Variants in GPI observed in about 807,000 individuals in gnomAD.
GPI encodes D-hexose-6-phosphate anomerase.
Under a neutral mutation model 75.8 loss-of-function variants are expected in GPI, and 56 were observed. The ratio of observed to expected loss-of-function variants is 0.74; its 90% CI spans 0.60 to 0.92. The LOEUF (loss-of-function observed/expected upper bound fraction) is 0.92. Among genes scored for constraint, GPI ranks in the 40% least tolerant of loss-of-function variants. The pLI, the probability that GPI is intolerant of heterozygous loss-of-function variation, is 0.00. For synonymous variants in GPI, 288 were observed against 285.4 expected, an observed-to-expected ratio of 1.01 and a Z score of -0.09; for missense variants, 638 against 741.0, an observed-to-expected ratio of 0.86 and a Z score of 1.61.
intron 9 of GPI, among the ~76,000 whole-genome samples, chr19:34,391,089 G>A (rs1489082987): frequency 6.6e-6 from 1 of 151,090 alleles, no homozygotes; most frequent in Non-Finnish European, 1.5e-5. Context: ...CAGTGTTTGA[G>A]GAGGTGAGTT....
At chr19:34,397,249 G>A (rs893042661) in intron 14 of GPI, 1 of 156,234 alleles carries the variant, frequency 6.4e-6, no homozygotes, top group African/African-American at 2.4e-5. Flanking sequence ...TGACCTGCTT[G>A]TCAGGTGGTT....
At chr19:34,359,822 C>T (rs1477402803), upstream of GPI, 1 of 152,388 alleles carries the variant, frequency 6.6e-6, no homozygotes, top group Non-Finnish European at 1.5e-5. Context: ...TCTGTGATGT[C>T]TAAATGCCGA....
intron 12 of GPI, among the ~76,000 whole-genome samples, chr19:34,395,519 G>A (rs1405337980): frequency 6.6e-6 from 1 of 152,154 alleles, no homozygotes; most frequent in East Asian, 1.9e-4. Flanking sequence ...TCCAGCCTGA[G>A]TGACAGAGTG....
Position 34,393,088 on chromosome 19 carries a change from A to C in GPI, c.805-160A>C. The C allele has an allele frequency of 1.4e-6, 1 of 690,888 alleles. No individual in the cohort carries two copies. The highest frequency in any genetic ancestry group is 1.5e-5 in the South Asian group (1 of 65,896). The allele number at this position is 690,888 out of a possible 1,614,324, so 42.8% of individuals were successfully genotyped here. ...TGTAGTCTGCCCTGTTGGTCTTCCC[A>C]TGTGTTGCCAGCACCTGCCTGCTGC... On this transcript the variant is annotated intron_variant, in intron 9 of 17. Transcript: ENST00000356487. This position sits in a 1 kb window ranked among gnomAD's most constrained non-coding sequence, Gnocchi z 4.4.
intron 8 of GPI, chr19:34,380,965 A>T: frequency 3.8e-6 from 1 of 263,770 alleles, no homozygotes; most frequent in Non-Finnish European, 7.5e-6. Context: ...GGGGACCAGA[A>T]TACCTGATGG....
chr19:34,399,221 C>A lies in GPI; in HGVS notation c.1284C>A (p.Asn428Lys). 6.2e-7 allele frequency: 1 copy of A among 1,613,368 alleles called. No individual in the cohort carries two copies. Among genetic ancestry groups the A allele is most frequent in the South Asian group, 1.1e-5 (1 of 91,038 alleles). ...TCGCTCATCAGATCCTCCTGGCCAA[C>A]TTCTTGGCCCAGACAGAGGCCCTGA... The part of the protein sequence containing the change: ...KGLHHKILLA[N>K]FLAQTEALMR... Residue 428 changes from asparagine to lysine, a missense_variant, in exon 15 of 18, where the codon AAC becomes AAA. Coordinates refer to ENST00000356487, the MANE Select transcript of GPI (RefSeq NM_000175.5).
At chr19:34,389,177 C>T (rs2074784926) in intron 9 of GPI, among the ~76,000 whole-genome samples, 2 of 152,132 alleles carry the variant, frequency 1.3e-5, no homozygotes, top group African/African-American at 2.4e-5. Context: ...TGTAGGACTG[C>T]GTCTGTCAGG....
chr19:34,365,238 TCTCA>T lies in GPI; in HGVS notation c.-24_-21del, dbSNP rs777217086. The T allele has an allele frequency of 1.0e-5, 15 of 1,489,242 alleles. No homozygotes were observed. In the East Asian group the frequency reaches 3.0e-4, roughly 30 times the overall value. 92.3% of individuals were successfully genotyped at this position (1,489,242 alleles called of 1,614,324 possible). The stretch of plus-strand genomic sequence containing the variant: ...GGCGCTCCTTCCTCCTCGGCTCGCG[TCTCA>T]CTCAGTGTACCTTCTAGTCCCGCCA... On this transcript the variant is annotated 5_prime_UTR_variant, in exon 1 of 18. Coordinates refer to ENST00000356487, the MANE Select transcript of GPI (RefSeq NM_000175.5).
At chr19:34,359,783 G>C (rs1568319165), upstream of GPI, 1 of 152,628 alleles carries the variant, frequency 6.6e-6, no homozygotes, top group Non-Finnish European at 1.5e-5. Context: ...GGGCCTGCCT[G>C]ACCCCTGTCC....
intron 4 of GPI, among the ~76,000 whole-genome samples, chr19:34,372,005 A>G (rs2074460856): frequency 6.7e-6 from 1 of 149,768 alleles, no homozygotes; most frequent in African/African-American, 2.5e-5. Flanking sequence ...TTCTCGGCTC[A>G]CTGCAACCTC....
chr19:34,364,978 T>A, upstream of GPI: 1 of 1,529,314 alleles, frequency 6.5e-7, no homozygotes, highest in African/African-American at 1.4e-5. Flanking sequence ...CCCTCCCCAC[T>A]GCCACTTCCG....
intron 12 of GPI, among the ~76,000 whole-genome samples, chr19:34,396,048 C>T (rs2074939929): frequency 6.6e-6 from 1 of 151,268 alleles, no homozygotes; most frequent in East Asian, 2.0e-4. Flanking sequence ...AAGCGATTCT[C>T]CTGCCTCAGC....
chr19:34,365,018 A>G (rs1260230062), upstream of GPI: 1 of 1,523,624 alleles, frequency 6.6e-7, no homozygotes, highest in Admixed American at 2.0e-5. Flanking sequence ...GCGGCGCAAG[A>G]GGTAGGGAGA....
upstream of GPI, chr19:34,364,924 C>T (rs1222707788): frequency 3.3e-6 from 5 of 1,494,828 alleles, no homozygotes; most frequent in South Asian, 1.2e-5. Flanking sequence ...TAGCTCTCTG[C>T]AGCCTCCAAC....
At chr19:34,368,936 C>A (rs943034308) in intron 4 of GPI, 3 of 602,634 alleles carry the variant, frequency 5.0e-6, no homozygotes, top group Non-Finnish European at 8.9e-6. Context: ...GGGCCAGTTT[C>A]TTTCCTGAAT....
At chr19:34,390,060 G>T (rs2074798758) in intron 9 of GPI, among the ~76,000 whole-genome samples, 2 of 152,304 alleles carry the variant, frequency 1.3e-5, no homozygotes, top group South Asian at 4.1e-4. Flanking sequence ...CACTGGGCCT[G>T]TCAGTGTCCA....
In GPI at chr19:34,393,317, G is replaced by A; in HGVS notation, c.865+9G>A. 1 of 1,609,028 alleles carries A rather than the reference G, an allele frequency of 6.2e-7. No homozygotes were observed. ...CATTGCCCTGCACGTGGGTGAGTGT[G>A]TTTCTGTGTCTTGCAGCCCCTGTGG... On this transcript the variant is annotated intron_variant, in intron 10 of 17. Transcript: ENST00000356487. This position sits in a 1 kb window ranked among gnomAD's most constrained non-coding sequence, Gnocchi z 4.4.
Position 34,400,054 on chromosome 19 carries a change from G to A in GPI, c.*18G>A, listed in dbSNP as rs1483607468. 1.2e-6 allele frequency: 2 copies of A among 1,607,612 alleles called. No individual in the cohort carries two copies. Among genetic ancestry groups the A allele is most frequent in the Admixed American group, 3.3e-5 (2 of 60,014 alleles). ...TCCAATAAACTCGTGCTCATCTGCAGCCTCCTCTGTGACTCCCCTTTCTCT... is the reference window on the plus strand; with the variant it reads ...TCCAATAAACTCGTGCTCATCTGCAACCTCCTCTGTGACTCCCCTTTCTCT... On this transcript the variant is annotated 3_prime_UTR_variant, in exon 18 of 18. Transcript: ENST00000356487.
intron 9 of GPI, chr19:34,392,122 C>CAGGTGTGAGG: frequency 2.1e-3 from 1 of 476 alleles, no homozygotes; most frequent in Non-Finnish European, 4.7e-3. Context: ...AGAGGATCTG[C>CAGGTGTGAGG]ATCTGTCAGT....
Sources: allele counts gnomAD v4.1 joint callset (sites outside exome capture counted in the v4.1 genomes callset), GRCh38; gene constraint gnomAD v4.1.1; non-coding constraint Gnocchi (gnomAD v3.1); transcripts MANE v1.5; gene names NCBI Gene and HGNC (gene_info 2026-07-23, HGNC 2026-07-21).